Variants in KMT2C observed in about 807,000 individuals in gnomAD.
KMT2C encodes histone-lysine N-methyltransferase 2C.
A neutral mutation model predicts 507.9 loss-of-function variants in KMT2C; 88 were observed. The ratio of observed to expected loss-of-function variants is 0.17; its 90% CI spans 0.15 to 0.21. The LOEUF (loss-of-function observed/expected upper bound fraction) is 0.21, where lower values mean the gene tolerates loss of function less well. Among genes scored for constraint, KMT2C ranks in the 10% least tolerant of loss-of-function variants. The probability of loss-of-function intolerance (pLI) is 1.00; values close to 1 mark genes in which losing one functional copy is unlikely to be tolerated. For missense variants in KMT2C, 4,954 were observed against 5,957.8 expected, an observed-to-expected ratio of 0.83 and a Z score of 5.55; for synonymous variants, 2,049 against 2,080.8, an observed-to-expected ratio of 0.98 and a Z score of 0.42.
At chr7:152,182,951 T>C (rs1563296304) in intron 35 of KMT2C, 23 bp downstream of exon 35, 2 of 1,527,562 alleles carry the variant, frequency 1.3e-6, no homozygotes, top group African/African-American at 2.8e-5. Flanking sequence ...CTTCAAAAAG[T>C]AGATTATCCA....
chr7:152,290,262 A>ATGTG (rs1481976340), intron 6 of KMT2C, among the ~76,000 whole-genome samples: 11 of 19,536 alleles, frequency 5.6e-4, no homozygotes, highest in East Asian at 2.2e-3. Context: ...GTATGTGTAT[A>ATGTG]TATATATATA....
At chr7:152,372,581 G>C (rs1286934006) in intron 1 of KMT2C, among the ~76,000 whole-genome samples, 4 of 152,140 alleles carry the variant, frequency 2.6e-5, no homozygotes. Context: ...TAACCAAAGA[G>C]AGCAGAGGAT....
At chr7:152,262,873 ATTATATGTCAG>A in intron 9 of KMT2C, 132 bp downstream of exon 9, 1 of 612,840 alleles carries the variant, frequency 1.6e-6, no homozygotes, top group Non-Finnish European at 2.9e-6. Flanking sequence ...TGTACAGTTT[ATTATATGTCAG>A]TTATATGTCA....
chr7:152,150,293 G>C lies in KMT2C; in HGVS notation c.12774+607C>G, dbSNP rs2091499039. On this transcript the variant is annotated intron_variant, in intron 51 of 58. Transcript: ENST00000262189. Reference sequence around the variant, plus strand: ...TATCTTTAAACAGGTTTTCCTATTGGGGTAACATCAATAAAAATGATTTTA... The same window carrying C: ...TATCTTTAAACAGGTTTTCCTATTGCGGTAACATCAATAAAAATGATTTTA... Among the ~76,000 whole-genome samples the C allele has an allele frequency of 2.6e-5, 4 of 152,102 alleles. No individual in the cohort carries two copies. In the South Asian group the frequency reaches 8.3e-4, roughly 32 times the overall value.
intron 6 of KMT2C, among the ~76,000 whole-genome samples, chr7:152,296,161 G>A (rs923099574): frequency 6.6e-6 from 1 of 151,982 alleles, no homozygotes; most frequent in Admixed American, 6.6e-5. Flanking sequence ...GGGCGTGGTG[G>A]CTCACGCTTA....
intron 23 of KMT2C, among the ~76,000 whole-genome samples, chr7:152,211,462 G>T (rs995463937): frequency 6.6e-6 from 1 of 152,172 alleles, no homozygotes; most frequent in Non-Finnish European, 1.5e-5. Context: ...CCAGGATGAT[G>T]AAGAGGAAAT....
intron 18 of KMT2C, among the ~76,000 whole-genome samples, chr7:152,228,541 T>C (rs1199762306): frequency 2.6e-5 from 4 of 152,202 alleles, no homozygotes; most frequent in African/African-American, 4.8e-5. Context: ...AAAACAGGAA[T>C]TCAAATTCTA....
rs571092083 is a variant in KMT2C, at chr7:152,412,666, CTTTTG to C, written c.161+22955_161+22959del. Among the ~76,000 whole-genome samples the C allele has an allele frequency of 4.1e-4, 62 of 152,200 alleles. No individual in the cohort carries two copies. The East Asian group carries it at 9.6e-3, about 24-fold the overall frequency. On this transcript the variant is annotated intron_variant, in intron 1 of 58. Coordinates refer to ENST00000262189, the MANE Select transcript of KMT2C (RefSeq NM_170606.3). ...GAAACAACGTAACTGCAGTCTACTT[CTTTTG>C]TTTTAATAAACAAATAAACTAGCTT... is the stretch of plus-strand genomic sequence containing the variant.
At chr7:152,255,593 A>G (rs901324347) in intron 9 of KMT2C, among the ~76,000 whole-genome samples, 6 of 152,158 alleles carry the variant, frequency 3.9e-5, no homozygotes, top group Admixed American at 6.6e-5. Context: ...TGTGAAATGG[A>G]TAAGTTCTGA....
intron 2 of KMT2C, among the ~76,000 whole-genome samples, chr7:152,354,565 G>T (rs992934740): frequency 7.9e-5 from 12 of 152,288 alleles, no homozygotes; most frequent in Admixed American, 7.2e-4. Flanking sequence ...AGTGACAAGT[G>T]TTACTTTTTA....
In KMT2C at chr7:152,149,057, G is replaced by A. The variant is rs193072071; in HGVS notation, c.12870C>T (p.His4290=). ...CTTTCTCTGGGAGCTGGGGGAGACA[G>A]TGCACATCCAAAGTGGAGATGTTGT... ...YSNNISTLDV[H]CLPQLPEKAS... is the part of the protein sequence containing the mutation. The change falls in exon 52 of 59, where the codon CAC becomes CAT. Residue 4290 remains histidine (H), a synonymous_variant. Coordinates refer to ENST00000262189, the MANE Select transcript of KMT2C (RefSeq NM_170606.3). 2 of 1,526,956 alleles carry A rather than the reference G, an allele frequency of 1.3e-6. No homozygotes were observed. The highest frequency in any genetic ancestry group is 4.5e-5 in the Admixed American group (2 of 44,788). 94.6% of individuals were successfully genotyped at this position (1,526,956 alleles called of 1,614,324 possible).
intron 1 of KMT2C, among the ~76,000 whole-genome samples, chr7:152,395,870 T>C (rs963778987): frequency 6.6e-6 from 1 of 152,130 alleles, no homozygotes; most frequent in East Asian, 1.9e-4. Flanking sequence ...ACACTTTGAG[T>C]GCTAGATAGG....
At position 152,232,101 on chromosome 7, in the gene KMT2C, G is replaced by A. The variant is rs188761013; in HGVS notation, c.2770-1780C>T. Among the ~76,000 whole-genome samples the A allele has an allele frequency of 2.0e-3, 301 of 152,106 alleles. 7 individuals carry two copies. The highest frequency in any genetic ancestry group is 0.015 in the Admixed American group (233 of 15,280). Reference sequence around the variant, plus strand: ...TCACCATGTTAGCCAGGATGGTCTCGATCTCCTGACCTCATGATCTGCCCA... The same window carrying A: ...TCACCATGTTAGCCAGGATGGTCTCAATCTCCTGACCTCATGATCTGCCCA... On this transcript the variant is annotated intron_variant, in intron 16 of 58. Coordinates refer to ENST00000262189, the MANE Select transcript of KMT2C (RefSeq NM_170606.3).
intron 1 of KMT2C, among the ~76,000 whole-genome samples, chr7:152,382,180 A>AG (rs2097380015): frequency 9.9e-5 from 15 of 152,232 alleles, no homozygotes; most frequent in Non-Finnish European, 1.5e-4. Flanking sequence ...ATACATAAAC[A>AG]ACCTTTCCAG....
intron 6 of KMT2C, among the ~76,000 whole-genome samples, chr7:152,276,344 T>G (rs957241481): frequency 2.6e-5 from 4 of 152,292 alleles, no homozygotes; most frequent in African/African-American, 9.6e-5. Flanking sequence ...AACACTCTTA[T>G]ACACTACACA....
intron 43 of KMT2C, 105 bp from the exon 44 acceptor site, chr7:152,159,177 A>G (rs2092293952): frequency 7.6e-6 from 7 of 925,246 alleles, no homozygotes; most frequent in Non-Finnish European, 1.2e-5. Context: ...TGGCACTAAA[A>G]GGTATTAAAT....
intron 22 of KMT2C, among the ~76,000 whole-genome samples, chr7:152,221,013 G>C (rs1195786449): frequency 6.6e-6 from 1 of 152,140 alleles, no homozygotes; most frequent in Non-Finnish European, 1.5e-5. Flanking sequence ...CCAGCACTTT[G>C]GGGGGCCGAG....
intron 23 of KMT2C, among the ~76,000 whole-genome samples, chr7:152,213,561 A>T (rs1350320688): frequency 6.6e-6 from 1 of 152,150 alleles, no homozygotes; most frequent in Non-Finnish European, 1.5e-5. Flanking sequence ...TCATACATAA[A>T]AAGCAACTCA....
intron 1 of KMT2C, among the ~76,000 whole-genome samples, chr7:152,360,807 C>T (rs1444040034): frequency 1.3e-5 from 2 of 151,630 alleles, no homozygotes; most frequent in African/African-American, 4.8e-5. Context: ...CGAGATTGCA[C>T]CACTGCACTC....
Sources: gnomAD v4.1 joint callset for allele counts (sites outside exome capture counted in the v4.1 genomes callset) on GRCh38, gnomAD v4.1.1 for gene constraint, MANE v1.5 for transcripts, NCBI Gene and HGNC (gene_info 2026-07-23, HGNC 2026-07-21) for gene names.